The following CRTC3 variants were observed in gnomAD, a reference collection of about 807,000 sequenced individuals.
CRTC3 encodes CREB regulated transcription coactivator 3.
A neutral mutation model predicts 74.5 loss-of-function variants in CRTC3; 26 were observed. The ratio of observed to expected loss-of-function variants is 0.35; its 90% CI spans 0.26 to 0.48. The LOEUF is 0.48. Among genes scored for constraint, CRTC3 ranks in the 20% least tolerant of loss-of-function variants. The probability of loss-of-function intolerance (pLI) is 0.99; values close to 1 mark genes in which losing one functional copy is unlikely to be tolerated. For missense variants in CRTC3, 760 were observed against 787.3 expected (o/e 0.97, Z 0.41); for synonymous variants, 377 against 325.8 (o/e 1.16, Z -1.69).
chr15:90,581,061 G>A (rs753093317), intron 2 of CRTC3, among the ~76,000 whole-genome samples: 1 of 152,190 alleles, frequency 6.6e-6, no homozygotes, highest in Non-Finnish European at 1.5e-5. Context: ...AAGCATGGCT[G>A]GATGAGAAAG....
At position 90,643,707 on chromosome 15, in the gene CRTC3, G is replaced by A; in HGVS notation, c.*1567G>A. 4.3e-6 allele frequency: 1 copy of A among 232,814 alleles called. No homozygotes were observed. Among genetic ancestry groups the A allele is most frequent in the Non-Finnish European group, 8.5e-6 (1 of 117,806 alleles). 14.4% of individuals were successfully genotyped at this position (232,814 alleles called of 1,614,324 possible). A position where few individuals can be genotyped will look rare whatever the true frequency, so the allele number is the denominator to read the frequency against. ...TTGGGTGATGCCAGTAGGTTTGAAG[G>A]GGGCAGAGCACTGCAGGGGGAGGGG... On this transcript the variant is annotated 3_prime_UTR_variant, in exon 15 of 15. Transcript: ENST00000268184.
chr15:90,617,820 C>A, intron 7 of CRTC3, 63 bp from the exon 8 acceptor site: 2 of 1,130,604 alleles, frequency 1.8e-6, no homozygotes, highest in Non-Finnish European at 2.7e-6. Flanking sequence ...CGTGAGCCAC[C>A]GTGCCCGGCC....
intron 2 of CRTC3, among the ~76,000 whole-genome samples, chr15:90,565,849 C>T (rs35750622): frequency 0.67 from 102,288 of 152,018 alleles, 35,622 homozygotes; most frequent in Non-Finnish European, 0.77. Flanking sequence ...GTCTCTCCCC[C>T]TCCTTGGGCC....
intron 2 of CRTC3, among the ~76,000 whole-genome samples, chr15:90,582,338 G>A (rs1010567295): frequency 1.3e-5 from 2 of 152,204 alleles, no homozygotes; most frequent in Admixed American, 1.3e-4. Flanking sequence ...GTGGCGCTCT[G>A]TGGAAAGACA....
At chr15:90,623,074 C>T (rs2151089772) in intron 9 of CRTC3, among the ~76,000 whole-genome samples, 1 of 152,258 alleles carries the variant, frequency 6.6e-6, no homozygotes, top group East Asian at 1.9e-4. Context: ...CGTCACCACC[C>T]TTCTCTGGTC....
chr15:90,554,203 C>T lies in CRTC3; in HGVS notation c.231+14066C>T, dbSNP rs139065469. On this transcript the variant is annotated intron_variant, in intron 2 of 14. Coordinates refer to ENST00000268184, the MANE Select transcript of CRTC3 (RefSeq NM_022769.5). ...CAAGGCAAGCACATTAGAGGTGTTT[C>T]CTCTTTTTTTTTTTTTTTGAGTCAG... 2.8e-3 allele frequency among the ~76,000 whole-genome samples: 427 copies of T among 151,638 alleles called. 12 individuals are homozygous for T. The highest frequency in any genetic ancestry group is 0.025 in the Admixed American group (376 of 15,240).
chr15:90,624,627 G>T (rs1290282321), intron 9 of CRTC3, among the ~76,000 whole-genome samples: 1 of 152,202 alleles, frequency 6.6e-6, no homozygotes, highest in Non-Finnish European at 1.5e-5. Context: ...TGCTCCCGGT[G>T]TCACTTATAT....
chr15:90,585,641 A>G (rs139543523), intron 2 of CRTC3, among the ~76,000 whole-genome samples: 127 of 152,316 alleles, frequency 8.3e-4, no homozygotes, highest in East Asian at 7.3e-3. Context: ...TGCAATCTTG[A>G]GAAAAATCAC....
At chr15:90,631,416 T>TTTAA (rs1330721100) in intron 11 of CRTC3, among the ~76,000 whole-genome samples, 2 of 152,132 alleles carry the variant, frequency 1.3e-5, no homozygotes, top group African/African-American at 4.8e-5. Context: ...AGCTAATTTT[T>TTTAA]TTAATTTTTT....
intron 11 of CRTC3, chr15:90,638,160 C>CAAAACAAAAA: frequency 2.5e-6 from 1 of 398,572 alleles, no homozygotes; most frequent in Non-Finnish European, 4.5e-6. Context: ...CAAAACAAAA[C>CAAAACAAAAA]ATGATTTTCA....
chr15:90,553,239 T>C (rs1966865969), intron 2 of CRTC3, among the ~76,000 whole-genome samples: 2 of 152,224 alleles, frequency 1.3e-5, no homozygotes, highest in Non-Finnish European at 2.9e-5. Context: ...ACATGCACTT[T>C]GCAACTCTGA....
At chr15:90,549,764 G>A (rs912140608) in intron 2 of CRTC3, among the ~76,000 whole-genome samples, 1 of 144,396 alleles carries the variant, frequency 6.9e-6, no homozygotes. Flanking sequence ...GTGCAGAAGC[G>A]TGATCTCAGC....
At chr15:90,632,728 C>G (rs1463487886) in intron 11 of CRTC3, among the ~76,000 whole-genome samples, 2 of 152,174 alleles carry the variant, frequency 1.3e-5, no homozygotes, top group Non-Finnish European at 2.9e-5. Flanking sequence ...CCTCAGCTTC[C>G]TAAGTAGCTG....
At chr15:90,590,137 A>C (rs1318795151) in intron 2 of CRTC3, among the ~76,000 whole-genome samples, 1 of 151,334 alleles carries the variant, frequency 6.6e-6, no homozygotes, top group Non-Finnish European at 1.5e-5. Flanking sequence ...CTAAAAATAC[A>C]AAAAAATTAG....
At position 90,642,038 on chromosome 15, in the gene CRTC3, G is replaced by C. The variant is rs751977592; in HGVS notation, c.1758G>C (p.Gln586His). ...CATTTCCACTGGAAGAGGAGCTGCA[G>C]ATTGAACCCCTGAGCCTGGACGGAC... is the stretch of plus-strand genomic sequence containing the variant. ...DTPFPLEEEL[Q>H]IEPLSLDGLN... Residue 586 changes from glutamine to histidine, a missense_variant, in exon 15 of 15, where the codon CAG becomes CAC. Physicochemically the swap from Gln to His is conservative, Grantham distance 24 (BLOSUM62 0). Coordinates refer to ENST00000268184, the MANE Select transcript of CRTC3 (RefSeq NM_022769.5). 7 of 1,613,906 alleles carry C rather than the reference G, an allele frequency of 4.3e-6. No homozygotes were observed. The highest frequency in any genetic ancestry group is 5.1e-6 in the Non-Finnish European group (6 of 1,180,042).
intron 4 of CRTC3, among the ~76,000 whole-genome samples, chr15:90,603,614 A>G (rs1968141998): frequency 6.6e-6 from 1 of 152,210 alleles, no homozygotes; most frequent in Non-Finnish European, 1.5e-5. Flanking sequence ...TAACTGAGAA[A>G]AAGCCCCTGC....
intron 11 of CRTC3, chr15:90,637,709 A>G (rs1357556139): frequency 1.3e-5 from 2 of 152,156 alleles, no homozygotes; most frequent in Non-Finnish European, 1.5e-5. Flanking sequence ...GCGCAGAAGC[A>G]CACTCAAGGC....
chr15:90,554,059 T>C (rs1966870155), intron 2 of CRTC3, among the ~76,000 whole-genome samples: 3 of 152,242 alleles, frequency 2.0e-5, no homozygotes, highest in African/African-American at 7.2e-5. Context: ...CCACTTAGCA[T>C]GTCTTTGCCT....
intron 2 of CRTC3, among the ~76,000 whole-genome samples, chr15:90,558,068 T>C (rs574418429): frequency 3.9e-5 from 6 of 152,216 alleles, no homozygotes; most frequent in Non-Finnish European, 7.4e-5. Flanking sequence ...TTCTGGACAC[T>C]TTTCTCTGTA....
Sources: gnomAD v4.1 joint callset for allele counts (sites outside exome capture counted in the v4.1 genomes callset) on GRCh38, gnomAD v4.1.1 for gene constraint, MANE v1.5 for transcripts, NCBI Gene and HGNC (gene_info 2026-07-23, HGNC 2026-07-21) for gene names.